HHAT: variants seen among roughly 807,000 people sequenced by gnomAD.
The protein encoded by HHAT is protein-cysteine N-palmitoyltransferase HHAT.
Under a neutral mutation model 70.8 loss-of-function variants are expected in HHAT, and 47 were observed. The ratio of observed to expected loss-of-function variants is 0.66; its 90% CI spans 0.53 to 0.85. The LOEUF (loss-of-function observed/expected upper bound fraction) is 0.85. HHAT is among the 40% of genes least tolerant of loss of function. The probability of loss-of-function intolerance (pLI) is 0.00; values close to 1 mark genes in which losing one functional copy is unlikely to be tolerated. For missense variants in HHAT, 609 were observed against 604.8 expected (o/e 1.01, Z -0.07); for synonymous variants, 228 against 247.6 (o/e 0.92, Z 0.74).
At chr1:210,385,255 T>TC (rs2090956456) in intron 3 of HHAT, among the ~76,000 whole-genome samples, 1 of 134,512 alleles carries the variant, frequency 7.4e-6, no homozygotes, top group South Asian at 2.5e-4. Context: ...TGTTTTTCTT[T>TC]TTTTTTTTTT....
chr1:210,596,868 C>A (rs1663125241), intron 10 of HHAT, among the ~76,000 whole-genome samples: 1 of 152,096 alleles, frequency 6.6e-6, no homozygotes, highest in African/African-American at 2.4e-5. Flanking sequence ...GGATGGTTGT[C>A]ATGCTTGTGG....
chr1:210,522,732 A>T (rs1473814634), intron 9 of HHAT, among the ~76,000 whole-genome samples: 3 of 152,100 alleles, frequency 2.0e-5, no homozygotes, highest in African/African-American at 7.2e-5. Flanking sequence ...CCTGGAAATG[A>T]TGGAAACTCA....
chr1:210,507,365 T>C (rs915071894), intron 8 of HHAT, among the ~76,000 whole-genome samples: 21 of 148,118 alleles, frequency 1.4e-4, no homozygotes, highest in African/African-American at 4.9e-4. Flanking sequence ...TTTTCTTTTT[T>C]TTTTTTTTTT....
chr1:210,402,808 C>A (rs1443662636), intron 5 of HHAT, among the ~76,000 whole-genome samples: 2 of 152,192 alleles, frequency 1.3e-5, no homozygotes. Flanking sequence ...TTCAGTCACT[C>A]ATTCATTGAT....
chr1:210,461,795 G>T (rs1044141911), intron 7 of HHAT, among the ~76,000 whole-genome samples: 1 of 151,672 alleles, frequency 6.6e-6, no homozygotes, highest in African/African-American at 2.4e-5. Context: ...AAAATTTCAA[G>T]GAAAAAAAAT....
chr1:210,331,626 G>T (rs2084996538), intron 1 of HHAT, among the ~76,000 whole-genome samples: 1 of 152,196 alleles, frequency 6.6e-6, no homozygotes, highest in Non-Finnish European at 1.5e-5. Context: ...TCTTTTGAAA[G>T]CTGAGATAGG....
chr1:210,502,383 C>A (rs74795213), intron 8 of HHAT, among the ~76,000 whole-genome samples: 364 of 86,804 alleles, frequency 4.2e-3, no homozygotes, highest in Admixed American at 6.2e-3. Flanking sequence ...GACTCAGTCT[C>A]AAAAAAAAAA....
At chr1:210,608,369 G>C (rs1665941422) in intron 10 of HHAT, among the ~76,000 whole-genome samples, 1 of 152,136 alleles carries the variant, frequency 6.6e-6, no homozygotes, top group South Asian at 2.1e-4. Flanking sequence ...TTAATATATA[G>C]TAAGTATCAA....
intron 11 of HHAT, among the ~76,000 whole-genome samples, chr1:210,642,456 A>C (rs540279937): frequency 7.0e-4 from 106 of 152,312 alleles, no homozygotes; most frequent in Non-Finnish European, 1.4e-3. Flanking sequence ...GGGTTGCACC[A>C]ATTTATTGTC....
At chr1:210,407,474 A>G (rs1421734788) in intron 6 of HHAT, among the ~76,000 whole-genome samples, 1 of 152,236 alleles carries the variant, frequency 6.6e-6, no homozygotes, top group Non-Finnish European at 1.5e-5. Context: ...CAAACTCCAA[A>G]AGATCAAATG....
intron 10 of HHAT, among the ~76,000 whole-genome samples, chr1:210,617,803 C>T (rs988785985): frequency 3.3e-5 from 5 of 152,166 alleles, no homozygotes; most frequent in East Asian, 1.9e-4. Flanking sequence ...ACACAGAGTT[C>T]GGAAAATATA....
At chr1:210,512,812 A>C (rs2094982420) in intron 8 of HHAT, among the ~76,000 whole-genome samples, 1 of 152,052 alleles carries the variant, frequency 6.6e-6, no homozygotes, top group Non-Finnish European at 1.5e-5. Context: ...ATCTCCTCTC[A>C]TGGCCTATAT....
At chr1:210,400,050 T>C (rs1326639317) in intron 4 of HHAT, among the ~76,000 whole-genome samples, 3 of 152,220 alleles carry the variant, frequency 2.0e-5, no homozygotes, top group Non-Finnish European at 4.4e-5. Context: ...AAATGTGTAC[T>C]AATACTTTCT....
chr1:210,614,382 C>T (rs1667230492), intron 10 of HHAT, among the ~76,000 whole-genome samples: 1 of 151,802 alleles, frequency 6.6e-6, no homozygotes, highest in African/African-American at 2.4e-5. Flanking sequence ...TTTGGATGCT[C>T]GTTCTATTGT....
chr1:210,625,990 A>G (rs536019612), intron 11 of HHAT, among the ~76,000 whole-genome samples: 79 of 152,350 alleles, frequency 5.2e-4, no homozygotes, highest in African/African-American at 1.9e-3. Context: ...ATGGCACAGC[A>G]GGAGAGGCAC....
Position 210,675,221 on chromosome 1 carries a change from G to C in HHAT, c.*842G>C, listed in dbSNP as rs1002796926. The C allele has an allele frequency of 6.6e-6, 1 of 152,182 alleles. No individual in the cohort carries two copies. Among genetic ancestry groups the C allele is most frequent in the Non-Finnish European group, 1.5e-5 (1 of 68,038 alleles). The allele number at this position is 152,182 out of a possible 1,614,324, so 9.4% of individuals were successfully genotyped here. ...CACCCTCTCCATACAAGTCTCAAAA[G>C]TCATCCTCCTACTCAGTGATTCACG... On this transcript the variant is annotated 3_prime_UTR_variant, in exon 12 of 12. Transcript: ENST00000261458.
At chr1:210,635,475 C>G (rs1471145857) in intron 11 of HHAT, among the ~76,000 whole-genome samples, 1 of 152,062 alleles carries the variant, frequency 6.6e-6, no homozygotes, top group Non-Finnish European at 1.5e-5. Context: ...ATCTAGAGGT[C>G]ATGTGAAGGG....
intron 9 of HHAT, among the ~76,000 whole-genome samples, chr1:210,520,764 A>T (rs552645067): frequency 1.8e-4 from 27 of 152,318 alleles, no homozygotes; most frequent in African/African-American, 6.0e-4. Context: ...TATATTATTT[A>T]TATGTATCTC....
chr1:210,584,552 G>A (rs765363365), intron 9 of HHAT, among the ~76,000 whole-genome samples: 1 of 152,192 alleles, frequency 6.6e-6, no homozygotes, highest in Non-Finnish European at 1.5e-5. Flanking sequence ...GCCTCTGGGG[G>A]GCAGCAGAAC....
Sources: gnomAD v4.1 joint callset for allele counts (sites outside exome capture counted in the v4.1 genomes callset) on GRCh38, gnomAD v4.1.1 for gene constraint, MANE v1.5 for transcripts, NCBI Gene and HGNC (gene_info 2026-07-23, HGNC 2026-07-21) for gene names.